Variants in ASCC3 observed in about 807,000 individuals in gnomAD.
ASCC3 encodes activating signal cointegrator 1 complex subunit 3.
ASCC3 carries 158 observed loss-of-function variants against 256.3 expected under a neutral mutation model. The ratio of observed to expected loss-of-function variants is 0.62; its 90% confidence interval spans 0.54 to 0.70. ASCC3 has a LOEUF of 0.70. Among genes scored for constraint, ASCC3 ranks in the 30% least tolerant of loss-of-function variants. The pLI is 0.00. For synonymous variants in ASCC3, 948 were observed against 883.4 expected, an observed-to-expected ratio of 1.07 and a Z score of -1.30; for missense variants, 2,259 against 2,626.0, an observed-to-expected ratio of 0.86 and a Z score of 3.05.
intron 10 of ASCC3, 41 bp from the exon 11 acceptor site, chr6:100,725,744 G>A: frequency 6.2e-7 from 1 of 1,601,766 alleles, no homozygotes; most frequent in Non-Finnish European, 8.5e-7. Context: ...AAGTTACATA[G>A]GTTATTTAAC....
Position 100,661,817 on chromosome 6 carries a change from G to C in ASCC3, c.2692C>G (p.Leu898Val), listed in dbSNP as rs117116442. 1.5e-4 allele frequency: 239 copies of C among 1,612,840 alleles called. No individual in the cohort carries two copies. The highest frequency in any genetic ancestry group is 1.9e-4 in the Non-Finnish European group (229 of 1,179,140). The part of the protein sequence containing the change: ...SQFLESLADN[L>V]NAEIALGTVT... Reference sequence around the variant, plus strand: ...TCATTAGATCTTACCTCTGCATTTAGGTTATCTGCAAGGCTTTCCAGAAAC... The same window carrying C: ...TCATTAGATCTTACCTCTGCATTTACGTTATCTGCAAGGCTTTCCAGAAAC... The change falls in exon 16 of 42, where the codon CTA becomes GTA. Residue 898 changes from leucine (L) to valine (V), a missense_variant. By Grantham distance (32) the Leu-to-Val change is conservative. Coordinates refer to ENST00000369162, the MANE Select transcript of ASCC3 (RefSeq NM_006828.4).
chr6:100,770,555 G>A (rs1781868434), intron 8 of ASCC3, among the ~76,000 whole-genome samples: 1 of 151,914 alleles, frequency 6.6e-6, no homozygotes, highest in Admixed American at 6.6e-5. Context: ...AAAAATACCT[G>A]TATTTAGAGA....
intron 37 of ASCC3, among the ~76,000 whole-genome samples, chr6:100,532,043 TAAG>T (rs1335754856): frequency 1.3e-5 from 2 of 151,850 alleles, no homozygotes; most frequent in Non-Finnish European, 2.9e-5. Context: ...TCTTAATTTA[TAAG>T]AAGATAGTAG....
chr6:100,725,883 T>G (rs1779597672), intron 10 of ASCC3, among the ~76,000 whole-genome samples, 180 bp from the exon 11 acceptor site: 1 of 151,956 alleles, frequency 6.6e-6, no homozygotes, highest in African/African-American at 2.4e-5. Flanking sequence ...AGAACTCTTT[T>G]TAAGCTGTGA....
At chr6:100,815,931 G>A (rs868694701) in intron 4 of ASCC3, among the ~76,000 whole-genome samples, 6 of 152,004 alleles carry the variant, frequency 3.9e-5, no homozygotes, top group Non-Finnish European at 8.8e-5. Flanking sequence ...TTAAAAGAGC[G>A]AGCTTCTGTA....
chr6:100,652,995 G>A, intron 17 of ASCC3, 106 bp from the exon 18 acceptor site: 1 of 1,050,874 alleles, frequency 9.5e-7, no homozygotes, highest in Non-Finnish European at 1.4e-6. Context: ...GTTTTAGTTA[G>A]ACTTTTTAAT....
intron 26 of ASCC3, among the ~76,000 whole-genome samples, chr6:100,630,620 C>T (rs547641468): frequency 2.6e-5 from 4 of 151,296 alleles, no homozygotes; most frequent in Non-Finnish European, 4.4e-5. Flanking sequence ...ACTGGAAATT[C>T]GTTTCTCTGT....
intron 13 of ASCC3, among the ~76,000 whole-genome samples, chr6:100,713,423 A>C (rs968835900): frequency 5.3e-5 from 8 of 152,206 alleles, no homozygotes; most frequent in Non-Finnish European, 1.2e-4. Flanking sequence ...GGACAGAAAA[A>C]CAGGCTTAAC....
chr6:100,661,142 A>C (rs943687287), intron 16 of ASCC3, among the ~76,000 whole-genome samples: 2 of 151,832 alleles, frequency 1.3e-5, no homozygotes, highest in African/African-American at 4.8e-5. Flanking sequence ...AAGGTATGAA[A>C]GAATACTGAA....
rs750250627 is a variant in ASCC3, at chr6:100,679,583, T to TA, written c.2286+34dup. The TA allele has an allele frequency of 3.1e-6, 5 of 1,612,704 alleles. No homozygotes were observed. In the East Asian group the frequency reaches 1.1e-4, roughly 36 times the overall value. The stretch of plus-strand genomic sequence containing the variant: ...AAAATACCCGGGATATGTGGCATGT[T>TA]ACATGCTTTAGTTCTTGTCCTCTTT... On this transcript the variant is annotated intron_variant, in intron 14 of 41. Transcript: ENST00000369162.
At chr6:100,586,754 A>C (rs1771712396) in intron 36 of ASCC3, among the ~76,000 whole-genome samples, 1 of 152,158 alleles carries the variant, frequency 6.6e-6, no homozygotes, top group South Asian at 2.1e-4. Flanking sequence ...GATCCTAAAA[A>C]TCTTAATGAA....
At chr6:100,509,596 C>A in intron 41 of ASCC3, 63 bp from the exon 42 acceptor site, 8 of 1,497,206 alleles carry the variant, frequency 5.3e-6, no homozygotes, top group Non-Finnish European at 7.3e-6. Context: ...ATATTTAATT[C>A]TTTCAGAACT....
chr6:100,748,653 C>CA (rs1780796460), intron 10 of ASCC3, among the ~76,000 whole-genome samples: 1 of 151,788 alleles, frequency 6.6e-6, no homozygotes, highest in Admixed American at 6.6e-5. Flanking sequence ...TTCGCCTGCT[C>CA]AATATTCCTT....
intron 37 of ASCC3, among the ~76,000 whole-genome samples, chr6:100,519,129 A>G (rs1774178290): frequency 6.6e-6 from 1 of 152,136 alleles, no homozygotes; most frequent in African/African-American, 2.4e-5. Flanking sequence ...TACTGTTGAT[A>G]GAGAAACATT....
intron 4 of ASCC3, among the ~76,000 whole-genome samples, chr6:100,807,469 C>T (rs922314264): frequency 1.3e-5 from 2 of 151,724 alleles, no homozygotes; most frequent in Admixed American, 6.6e-5. Flanking sequence ...CTAGAAGTCC[C>T]GGACACTTAG....
intron 10 of ASCC3, among the ~76,000 whole-genome samples, chr6:100,758,820 T>G (rs942762609): frequency 2.5e-4 from 38 of 152,342 alleles, no homozygotes; most frequent in African/African-American, 8.9e-4. Context: ...ATCATCATAC[T>G]GTCTTCCACA....
rs182216778 is a variant in ASCC3, at chr6:100,637,945, G to T, written c.4122+656C>A. Among the ~76,000 whole-genome samples the T allele has an allele frequency of 2.0e-3, 299 of 152,264 alleles. 1 individual carries two copies. Among genetic ancestry groups the T allele is most frequent in the Non-Finnish European group, 1.4e-3 (95 of 68,006 alleles). ...GTGACCATTGCTGAAATGACAAAAA[G>T]GATTTAGAATATTACATAAACTTAG... On this transcript the variant is annotated intron_variant, in intron 25 of 41. Coordinates refer to ENST00000369162, the MANE Select transcript of ASCC3 (RefSeq NM_006828.4).
intron 25 of ASCC3, among the ~76,000 whole-genome samples, chr6:100,633,560 G>A (rs181175748): frequency 1.3e-3 from 196 of 152,088 alleles, no homozygotes; most frequent in Non-Finnish European, 2.2e-3. Flanking sequence ...ATCATAAGAA[G>A]GAAATCATAA....
Position 100,846,654 on chromosome 6 carries a change from T to A in ASCC3, c.801+1494A>T, listed in dbSNP as rs569393454. ...CATGCTTGCTGTACAGAGCTACAGC[T>A]CTCTGAAAACAGTGTTCAAGCCTGA... On this transcript the variant is annotated intron_variant, in intron 4 of 41. Transcript: ENST00000369162. Among the ~76,000 whole-genome samples the A allele has an allele frequency of 3.3e-5, 5 of 152,298 alleles. No individual in the cohort carries two copies. In the South Asian group the frequency reaches 1.0e-3, roughly 32 times the overall value.
Sources: allele counts gnomAD v4.1 joint callset (sites outside exome capture counted in the v4.1 genomes callset), GRCh38; gene constraint gnomAD v4.1.1; transcripts MANE v1.5; gene names NCBI Gene and HGNC (gene_info 2026-07-23, HGNC 2026-07-21).